The following LRRC36 variants were observed in gnomAD, a reference collection of about 807,000 sequenced individuals.
The protein encoded by LRRC36 is leucine-rich repeat-containing protein 36.
In LRRC36, 62 loss-of-function variants were observed where a neutral mutation model predicts 81.1. The ratio of observed to expected loss-of-function variants is 0.76; its 90% CI spans 0.62 to 0.94. The LOEUF (loss-of-function observed/expected upper bound fraction) is 0.94, where lower values mean the gene tolerates loss of function less well. Among genes scored for constraint, LRRC36 ranks in the 40% least tolerant of loss-of-function variants. The pLI, the probability that LRRC36 is intolerant of heterozygous loss-of-function variation, is 0.00. For synonymous variants in LRRC36, 334 were observed against 348.6 expected, an observed-to-expected ratio of 0.96 and a Z score of 0.47; for missense variants, 761 against 881.7, an observed-to-expected ratio of 0.86 and a Z score of 1.73.
intron 1 of LRRC36, among the ~76,000 whole-genome samples, chr16:67,332,907 A>T (rs937073739): frequency 1.1e-4 from 17 of 150,994 alleles, no homozygotes; most frequent in African/African-American, 3.4e-4. Flanking sequence ...TTTTTTTTTA[A>T]AAAAAACATG....
chr16:67,364,694 A>G (rs2039305275), intron 6 of LRRC36, among the ~76,000 whole-genome samples: 1 of 151,900 alleles, frequency 6.6e-6, no homozygotes, highest in African/African-American at 2.4e-5. Flanking sequence ...CTTAGATAAA[A>G]AAGCAAACAA....
At chr16:67,330,242 G>A (rs1242469576) in intron 1 of LRRC36, among the ~76,000 whole-genome samples, 1 of 151,948 alleles carries the variant, frequency 6.6e-6, no homozygotes, top group East Asian at 1.9e-4. Flanking sequence ...GAAGTATATG[G>A]TGCCTAGTGT....
At chr16:67,353,676 C>A (rs527387560) in intron 5 of LRRC36, among the ~76,000 whole-genome samples, 1 of 152,246 alleles carries the variant, frequency 6.6e-6, no homozygotes, top group East Asian at 1.9e-4. Flanking sequence ...ACGTCCAGCC[C>A]CTTTCCATTT....
intron 12 of LRRC36, among the ~76,000 whole-genome samples, chr16:67,381,807 C>CG (rs2040121467): frequency 6.6e-6 from 1 of 152,118 alleles, no homozygotes; most frequent in African/African-American, 2.4e-5. Context: ...TTAGGAGAGA[C>CG]GGGGTTTCAC....
At chr16:67,333,426 G>A (rs8052943) in intron 1 of LRRC36, among the ~76,000 whole-genome samples, 8,295 of 152,088 alleles carry the variant, frequency 0.055, 541 homozygotes, top group African/African-American at 0.16. Flanking sequence ...GCCACCACAC[G>A]TAGCCCCATT....
chr16:67,332,418 G>T (rs962031499), intron 1 of LRRC36, among the ~76,000 whole-genome samples: 1 of 152,140 alleles, frequency 6.6e-6, no homozygotes, highest in Admixed American at 6.6e-5. Flanking sequence ...GCTGGGCATG[G>T]TGGTGGGCGC....
At chr16:67,346,815 T>C (rs1055786958) in intron 3 of LRRC36, among the ~76,000 whole-genome samples, 1 of 152,198 alleles carries the variant, frequency 6.6e-6, no homozygotes, top group African/African-American at 2.4e-5. Context: ...GGGGCTTAGT[T>C]GAAGAAATAT....
At chr16:67,358,494 ATTTT>A (rs112646894) in intron 5 of LRRC36, among the ~76,000 whole-genome samples, 2 of 134,576 alleles carry the variant, frequency 1.5e-5, no homozygotes, top group Admixed American at 1.5e-4. Context: ...GTCGCCACTA[ATTTT>A]TTTTTTTTTT....
intron 5 of LRRC36, among the ~76,000 whole-genome samples, chr16:67,358,153 G>C (rs2038982109): frequency 1.4e-5 from 2 of 146,534 alleles, no homozygotes; most frequent in South Asian, 4.3e-4. Context: ...AATAGTGGCA[G>C]AGCAAGGCAT....
At chr16:67,362,102 CAAA>C in intron 5 of LRRC36, 1 of 353,554 alleles carries the variant, frequency 2.8e-6, no homozygotes, top group South Asian at 2.0e-5. Context: ...TTAAAAAAAA[CAAA>C]AACAAAAACA....
chr16:67,350,133 G>A (rs534606096), intron 4 of LRRC36, 69 bp from the exon 5 acceptor site: 136 of 1,033,448 alleles, frequency 1.3e-4, no homozygotes, highest in Non-Finnish European at 1.7e-4. Context: ...TTTCTAAATA[G>A]CATTTACTGG....
chr16:67,334,416 C>A (rs1168832918), intron 1 of LRRC36, among the ~76,000 whole-genome samples: 2 of 152,132 alleles, frequency 1.3e-5, no homozygotes, highest in Non-Finnish European at 2.9e-5. Flanking sequence ...CCTCCGCCTC[C>A]TGGGTTCAAG....
chr16:67,354,425 G>T (rs1336922631), intron 5 of LRRC36, among the ~76,000 whole-genome samples: 2 of 151,926 alleles, frequency 1.3e-5, no homozygotes, highest in Non-Finnish European at 2.9e-5. Flanking sequence ...TTACAGGCGT[G>T]TACCACCACG....
Position 67,362,922 on chromosome 16 carries a change from C to T in LRRC36, c.578-668C>T, listed in dbSNP as rs986436463. 1.5e-4 allele frequency among the ~76,000 whole-genome samples: 23 copies of T among 152,004 alleles called. 1 individual carries two copies. The highest frequency in any genetic ancestry group is 3.6e-4 in the African/African-American group (15 of 41,378). The stretch of plus-strand genomic sequence containing the variant: ...CCTCCTGAGTAGCTGGGATTATAGG[C>T]GCGCGCCACCACTCCCGGCCCGGCT... On this transcript the variant is annotated intron_variant, in intron 5 of 13. Coordinates refer to ENST00000329956, the MANE Select transcript of LRRC36 (RefSeq NM_018296.6).
chr16:67,369,561 C>T (rs778305030), intron 8 of LRRC36, among the ~76,000 whole-genome samples: 51 of 152,310 alleles, frequency 3.3e-4, no homozygotes, highest in Non-Finnish European at 6.3e-4. Context: ...ATATAGACAA[C>T]CCTTGTATTA....
intron 2 of LRRC36, among the ~76,000 whole-genome samples, chr16:67,345,459 CTG>C (rs1264693981): frequency 1.3e-5 from 2 of 152,014 alleles, no homozygotes; most frequent in East Asian, 3.9e-4. Context: ...AGGAAGAAAA[CTG>C]TGGCTTTTCC....
rs149982934 is a variant in LRRC36 at position 67,382,191 on chromosome 16, G to A, written c.1989G>A (p.Glu663=). ...LTMQVACLNQ[E]LAQLKKLEKT... The stretch of plus-strand genomic sequence containing the variant: ...TGCAGGTGGCTTGCCTGAACCAGGA[G>A]CTTGCCCAGCTGAAAAAGCTGGAGA... The change falls in exon 13 of 14, where the codon GAG becomes GAA. Residue 663 remains glutamate (E), a synonymous_variant. Transcript: ENST00000329956. 1 of 1,614,090 alleles carries A rather than the reference G, an allele frequency of 6.2e-7. No homozygotes were observed. The highest frequency in any genetic ancestry group is 1.3e-5 in the African/African-American group (1 of 74,934).
intron 5 of LRRC36, among the ~76,000 whole-genome samples, chr16:67,353,646 C>G: frequency 6.6e-6 from 1 of 152,194 alleles, no homozygotes; most frequent in Admixed American, 6.5e-5. Flanking sequence ...CTCGGCCTCC[C>G]AAGGTGCTGG....
At position 67,384,814 on chromosome 16, in the gene LRRC36, A is replaced by G. The variant is rs2040235299; in HGVS notation, c.2046-56A>G. 11 of 1,405,834 alleles carry G rather than the reference A, an allele frequency of 7.8e-6. No homozygotes were observed. The East Asian group carries it at 2.1e-4, about 26-fold the overall frequency. 87.1% of individuals were successfully genotyped at this position (1,405,834 alleles called of 1,614,324 possible). A position where few individuals can be genotyped will look rare whatever the true frequency, so the allele number is the denominator to read the frequency against. ...CCTTTGGGAGACATTTTGGGTCTGC[A>G]TGGTATCTCTCTTGCTTTTATGATT... is the stretch of plus-strand genomic sequence containing the variant. On this transcript the variant is annotated intron_variant, in intron 13 of 13. Transcript: ENST00000329956.
Sources: gnomAD v4.1 joint callset for allele counts (sites outside exome capture counted in the v4.1 genomes callset) on GRCh38, gnomAD v4.1.1 for gene constraint, MANE v1.5 for transcripts, NCBI Gene and HGNC (gene_info 2026-07-23, HGNC 2026-07-21) for gene names.